CHD9: variants seen among roughly 807,000 people sequenced by gnomAD.
The protein encoded by CHD9 is chromodomain helicase DNA binding protein 9, also known as ATP-dependent chromatin remodeler CHD9.
A neutral mutation model predicts 316.1 loss-of-function variants in CHD9; 77 were observed. That is an observed-to-expected ratio of 0.24 (90% CI 0.20 to 0.29). The LOEUF (loss-of-function observed/expected upper bound fraction) is 0.29. CHD9 is among the 10% of genes least tolerant of loss of function. The pLI, the probability that CHD9 is intolerant of heterozygous loss-of-function variation, is 1.00. For missense variants in CHD9, 2,763 were observed against 3,438.1 expected, an observed-to-expected ratio of 0.80 and a Z score of 4.91; for synonymous variants, 1,129 against 1,158.3, an observed-to-expected ratio of 0.97 and a Z score of 0.51.
chr16:53,058,790 C>G (rs906000570), intron 1 of CHD9, among the ~76,000 whole-genome samples: 3 of 152,190 alleles, frequency 2.0e-5, no homozygotes, highest in Non-Finnish European at 2.9e-5. Flanking sequence ...CCCCCACCCT[C>G]CAACTTAATC....
intron 1 of CHD9, among the ~76,000 whole-genome samples, chr16:53,064,313 C>T (rs1458818286): frequency 6.6e-6 from 1 of 152,210 alleles, no homozygotes; most frequent in East Asian, 1.9e-4. Context: ...CTCTTCCCCT[C>T]CAGCACAGGG....
intron 1 of CHD9, among the ~76,000 whole-genome samples, chr16:53,154,147 AT>A (rs2152742089): frequency 6.6e-6 from 1 of 152,300 alleles, no homozygotes; most frequent in Admixed American, 6.5e-5. Flanking sequence ...CTTTCAATTG[AT>A]ATTTATTACT....
intron 2 of CHD9, among the ~76,000 whole-genome samples, chr16:53,178,585 G>A (rs1044971013): frequency 4.0e-5 from 6 of 151,778 alleles, no homozygotes; most frequent in African/African-American, 1.2e-4. Context: ...CATGTAGCTG[G>A]GATCTCCCAG....
chr16:53,287,094 G>A (rs1191348246), intron 26 of CHD9, among the ~76,000 whole-genome samples: 1 of 152,052 alleles, frequency 6.6e-6, no homozygotes, highest in Admixed American at 6.6e-5. Flanking sequence ...GAGTATCTGG[G>A]ACCACAGGCA....
intron 1 of CHD9, among the ~76,000 whole-genome samples, chr16:53,123,138 C>T (rs2038818675): frequency 6.6e-6 from 1 of 150,602 alleles, no homozygotes; most frequent in African/African-American, 2.4e-5. Context: ...GCTGGGATTA[C>T]AGGTGTGAGC....
chr16:53,124,769 C>A (rs1489764503), intron 1 of CHD9, among the ~76,000 whole-genome samples: 4 of 151,976 alleles, frequency 2.6e-5, no homozygotes, highest in Non-Finnish European at 5.9e-5. Context: ...TGTGAGCCAC[C>A]ACACCCAGCC....
chr16:53,084,454 C>A (rs1400781102), intron 1 of CHD9, among the ~76,000 whole-genome samples: 1 of 152,128 alleles, frequency 6.6e-6, no homozygotes, highest in Non-Finnish European at 1.5e-5. Context: ...GATAAAATCA[C>A]AGAAGCCTGG....
intron 1 of CHD9, among the ~76,000 whole-genome samples, chr16:53,070,687 T>G (rs2152514537): frequency 6.6e-6 from 1 of 152,192 alleles, no homozygotes; most frequent in Non-Finnish European, 1.5e-5. Context: ...CCTGAATAGC[T>G]GGACTACAGA....
intron 17 of CHD9, among the ~76,000 whole-genome samples, chr16:53,252,127 C>T (rs951679500): frequency 6.6e-6 from 1 of 152,134 alleles, no homozygotes; most frequent in African/African-American, 2.4e-5. Flanking sequence ...AATCTGAAGG[C>T]ATCACACTAC....
At chr16:53,314,269 G>A in intron 34 of CHD9, 108 bp from the exon 35 acceptor site, 4 of 703,700 alleles carry the variant, frequency 5.7e-6, no homozygotes, top group Non-Finnish European at 8.7e-6. Flanking sequence ...CTACATTAAA[G>A]ATGTATAAAA....
At chr16:53,283,725 A>G (rs2053614554) in intron 24 of CHD9, among the ~76,000 whole-genome samples, 1 of 152,158 alleles carries the variant, frequency 6.6e-6, no homozygotes, top group Admixed American at 6.5e-5. Flanking sequence ...ATTACAAGAA[A>G]ATTATTCCTC....
intron 2 of CHD9, among the ~76,000 whole-genome samples, chr16:53,171,967 G>A (rs1353559719): frequency 6.6e-6 from 1 of 151,078 alleles, no homozygotes; most frequent in African/African-American, 2.4e-5. Flanking sequence ...GGGGATATAT[G>A]CTTTTAGTTT....
chr16:53,306,933 C>T (rs1165868805), intron 32 of CHD9, among the ~76,000 whole-genome samples: 1 of 152,098 alleles, frequency 6.6e-6, no homozygotes, highest in African/African-American at 2.4e-5. Context: ...GCACCCACCA[C>T]CCTACCTGGC....
chr16:53,307,591 G>A (rs1458823569), intron 32 of CHD9, 90 bp from the exon 33 acceptor site: 14 of 1,177,830 alleles, frequency 1.2e-5, no homozygotes, highest in Non-Finnish European at 1.5e-5. Context: ...TGTTGAACTA[G>A]GGTTAAATCC....
intron 1 of CHD9, among the ~76,000 whole-genome samples, chr16:53,083,193 G>T (rs2035180311): frequency 6.6e-6 from 1 of 152,170 alleles, no homozygotes; most frequent in Non-Finnish European, 1.5e-5. Flanking sequence ...CCACCAAAAT[G>T]GCTTGCATAG....
At chr16:53,125,466 T>G (rs1235951061) in intron 1 of CHD9, among the ~76,000 whole-genome samples, 1 of 152,066 alleles carries the variant, frequency 6.6e-6, no homozygotes, top group Non-Finnish European at 1.5e-5. Flanking sequence ...GAACTCCTGA[T>G]CTCAGGTGAT....
At chr16:53,151,428 A>AT (rs1177832899) in intron 1 of CHD9, among the ~76,000 whole-genome samples, 2 of 151,040 alleles carry the variant, frequency 1.3e-5, no homozygotes, top group Non-Finnish European at 3.0e-5. Flanking sequence ...TAGTTTTTAT[A>AT]TTTTTTTAGT....
In CHD9 at chr16:53,157,534, A is replaced by T. The variant is rs1181316244; in HGVS notation, c.1445A>T (p.Gln482Leu). The change falls in exon 2 of 39, where the codon CAG becomes CTG. Residue 482 changes from glutamine (Q) to leucine (L), a missense_variant. Transcript: ENST00000447540. Reference protein sequence around the residue: ...HLHDRNHLCLQRQPPSSKKSD... With the variant: ...HLHDRNHLCLLRQPPSSKKSD... ...CATGACAGAAATCACCTATGTTTAC[A>T]GCGACAGGTATGTAGCTCTTTGCTT... 6.2e-7 allele frequency: 1 copy of T among 1,610,632 alleles called. No individual in the cohort carries two copies. Among genetic ancestry groups the T allele is most frequent in the Non-Finnish European group, 8.5e-7 (1 of 1,177,566 alleles).
At position 53,255,170 on chromosome 16, in the gene CHD9, A is replaced by G. The variant is rs377102332; in HGVS notation, c.4030-430A>G. 3.9e-3 allele frequency among the ~76,000 whole-genome samples: 600 copies of G among 152,192 alleles called. 4 individuals carry two copies. Among genetic ancestry groups the G allele is most frequent in the African/African-American group, 0.014 (574 of 41,534 alleles). ...TATAAAAAATAAAAATTAGCTGGGC[A>G]TAATGGTGCATGCCTGTGGTCCACA... On this transcript the variant is annotated intron_variant, in intron 18 of 38. Transcript: ENST00000447540.
Sources: allele counts gnomAD v4.1 joint callset (sites outside exome capture counted in the v4.1 genomes callset), GRCh38; gene constraint gnomAD v4.1.1; transcripts MANE v1.5; gene names NCBI Gene and HGNC (gene_info 2026-07-23, HGNC 2026-07-21).